The following LRRN3 variants were observed in gnomAD, a reference collection of about 807,000 sequenced individuals.
LRRN3 encodes the protein leucine rich repeat neuronal 3, also known as leucine-rich repeat neuronal protein 3.
A neutral mutation model predicts 40.1 loss-of-function variants in LRRN3; 15 were observed. That is an observed-to-expected ratio of 0.37 (90% CI 0.25 to 0.58). LRRN3 has a LOEUF of 0.58. LRRN3 is among the 20% of genes least tolerant of loss of function. LRRN3 has a pLI of 0.72. For missense variants in LRRN3, 746 were observed against 837.7 expected (o/e 0.89, Z 1.35); for synonymous variants, 308 against 297.2 (o/e 1.04, Z -0.37).
At chr7:111,110,441 G>C (rs748606206) in intron 2 of LRRN3, among the ~76,000 whole-genome samples, 139 of 152,034 alleles carry the variant, frequency 9.1e-4, no homozygotes, top group Non-Finnish European at 1.2e-3. Flanking sequence ...AACAATACCA[G>C]GAATGATCAC....
Position 111,124,261 on chromosome 7 carries a change from A to T in LRRN3, c.1489A>T (p.Ile497Leu). ...TPKEGGLYTC[I>L]ATNLVGADLK... ...CAAAGAAGGGGGTTTATATACTTGT[A>T]TAGCAACTAACCTAGTTGGCGCTGA... is the stretch of plus-strand genomic sequence containing the variant. Residue 497 changes from isoleucine to leucine, a missense_variant, in exon 3 of 3, where the codon ATA becomes TTA. Coordinates refer to ENST00000308478, the MANE Select transcript of LRRN3 (RefSeq NM_001099658.2). The T allele has an allele frequency of 6.2e-7, 1 of 1,614,040 alleles. No individual in the cohort carries two copies. The highest frequency in any genetic ancestry group is 8.5e-7 in the Non-Finnish European group (1 of 1,179,986).
At position 111,123,423 on chromosome 7, in the gene LRRN3, G is replaced by A. The variant is rs267601235; in HGVS notation, c.651G>A (p.Leu217=). 4 of 1,613,488 alleles carry A rather than the reference G, an allele frequency of 2.5e-6. No homozygotes were observed. The highest frequency in any genetic ancestry group is 2.2e-5 in the East Asian group (1 of 44,840). ...NFKPLINLRS[L]VIAGINLTEI... ...AGCCTCTTATCAATCTTCGCAGCCT[G>A]GTTATAGCTGGTATAAACCTCACAG... The change falls in exon 3 of 3, where the codon CTG becomes CTA. Residue 217 remains leucine (L), a synonymous_variant. Transcript: ENST00000308478. The surrounding 1 kb of genome is among the most constrained non-coding windows in gnomAD (Gnocchi z 6.4).
intron 2 of LRRN3, among the ~76,000 whole-genome samples, chr7:111,119,278 A>T (rs1263363731): frequency 6.6e-6 from 1 of 152,130 alleles, no homozygotes; most frequent in Non-Finnish European, 1.5e-5. Flanking sequence ...TTCTATTTTC[A>T]TTTTATTCGG....
chr7:111,121,526 T>C (rs1260014362), intron 2 of LRRN3, among the ~76,000 whole-genome samples: 1 of 152,066 alleles, frequency 6.6e-6, no homozygotes, highest in Non-Finnish European at 1.5e-5. Context: ...AAAACCACAA[T>C]GAGATACCAT....
intron 2 of LRRN3, among the ~76,000 whole-genome samples, chr7:111,105,569 CT>C (rs1264886813): frequency 1.3e-5 from 2 of 151,834 alleles, no homozygotes; most frequent in African/African-American, 4.8e-5. Flanking sequence ...TGCAATTTAG[CT>C]GGCTGGGGGG....
At chr7:111,117,251 G>C (rs543158230) in intron 2 of LRRN3, among the ~76,000 whole-genome samples, 117 of 152,150 alleles carry the variant, frequency 7.7e-4, no homozygotes, top group African/African-American at 2.6e-3. Flanking sequence ...AGACACCTTT[G>C]GAAAAAATCT....
intron 2 of LRRN3, among the ~76,000 whole-genome samples, chr7:111,117,559 T>C (rs1586387179): frequency 6.6e-6 from 1 of 152,096 alleles, no homozygotes; most frequent in African/African-American, 2.4e-5. Flanking sequence ...TTCAAATAAT[T>C]TGTTTTGAAA....
At chr7:111,106,133 T>G (rs2129581440) in intron 2 of LRRN3, among the ~76,000 whole-genome samples, 1 of 152,078 alleles carries the variant, frequency 6.6e-6, no homozygotes, top group South Asian at 2.1e-4. Flanking sequence ...TTGGTGCACA[T>G]TGGAGCAGAC....
At chr7:111,116,788 C>T (rs1173670840) in intron 2 of LRRN3, among the ~76,000 whole-genome samples, 2 of 151,984 alleles carry the variant, frequency 1.3e-5, no homozygotes, top group Non-Finnish European at 2.9e-5. Flanking sequence ...ACAATAATAA[C>T]AAAAAAGGCA....
At chr7:111,103,755 A>G (rs528687504) in intron 2 of LRRN3, among the ~76,000 whole-genome samples, 4 of 151,694 alleles carry the variant, frequency 2.6e-5, no homozygotes, top group South Asian at 4.2e-4. Flanking sequence ...TATACTATGA[A>G]CTTTTAACGC....
chr7:111,111,544 A>G (rs1436087325), intron 2 of LRRN3, among the ~76,000 whole-genome samples: 10 of 152,044 alleles, frequency 6.6e-5, no homozygotes, highest in Non-Finnish European at 5.9e-5. Context: ...CCAAATGTTC[A>G]TAACCTGATA....
At chr7:111,117,784 A>G (rs933227399) in intron 2 of LRRN3, among the ~76,000 whole-genome samples, 8 of 152,110 alleles carry the variant, frequency 5.3e-5, no homozygotes, top group African/African-American at 1.4e-4. Flanking sequence ...TATAGAAGAA[A>G]AGGAAAAACT....
At position 111,124,096 on chromosome 7, in the gene LRRN3, T is replaced by C. The variant is rs1800990795; in HGVS notation, c.1324T>C (p.Phe442Leu). The change falls in exon 3 of 3, where the codon TTT (phenylalanine) becomes CTT (leucine). Residue 442 changes from phenylalanine to leucine, a missense_variant. Phe to Leu is a conservative substitution (Grantham distance 22). Coordinates refer to ENST00000308478, the MANE Select transcript of LRRN3 (RefSeq NM_001099658.2). ...TGTAGAAGCTGGGAGCTATGTTTCCTTTCACTGTAGAGCTACTGCAGAACC... is the reference window on the plus strand; with the variant it reads ...TGTAGAAGCTGGGAGCTATGTTTCCCTTCACTGTAGAGCTACTGCAGAACC... Reference protein sequence around the residue: ...LNVEAGSYVSFHCRATAEPQP... With the variant: ...LNVEAGSYVSLHCRATAEPQP... 2.5e-6 allele frequency: 4 copies of C among 1,614,052 alleles called. No homozygotes were observed. The highest frequency in any genetic ancestry group is 2.5e-6 in the Non-Finnish European group (3 of 1,179,982).
intron 2 of LRRN3, among the ~76,000 whole-genome samples, chr7:111,105,613 A>G (rs1447517407): frequency 2.0e-5 from 3 of 151,842 alleles, no homozygotes; most frequent in Non-Finnish European, 4.4e-5. Context: ...TAAGAAACAA[A>G]TACAACATGT....
Position 111,125,035 on chromosome 7 carries a change from G to A in LRRN3, c.*136G>A, listed in dbSNP as rs2129590555. 1.5e-6 allele frequency: 1 copy of A among 670,310 alleles called. No individual in the cohort carries two copies. The highest frequency in any genetic ancestry group is 3.4e-5 in the Admixed American group (1 of 29,018). The allele number at this position is 670,310 out of a possible 1,614,324, so 41.5% of individuals were successfully genotyped here. ...GATTACTTTCGAGAGAGAAGTTTAA[G>A]CTTCACCAATGCTGCTCCTGACCAA... On this transcript the variant is annotated 3_prime_UTR_variant, in exon 3 of 3. Transcript: ENST00000308478.
At chr7:111,094,039 T>A (rs949320713) in intron 1 of LRRN3, among the ~76,000 whole-genome samples, 1 of 152,138 alleles carries the variant, frequency 6.6e-6, no homozygotes, top group Non-Finnish European at 1.5e-5. Flanking sequence ...GTGATCAACT[T>A]ATGATGCACT....
chr7:111,111,951 T>G lies in LRRN3; in HGVS notation c.-358-10464T>G, dbSNP rs1241708454. On this transcript the variant is annotated intron_variant, in intron 2 of 2. Coordinates refer to ENST00000308478, the MANE Select transcript of LRRN3 (RefSeq NM_001099658.2). The stretch of plus-strand genomic sequence containing the variant: ...TATATATATATAGTTTGTTTTTTTT[T>G]TTTTTTTTTTTTTTGAGATGGAGTC... 6.8e-5 allele frequency among the ~76,000 whole-genome samples: 9 copies of G among 133,224 alleles called. No homozygotes were observed. In the South Asian group the frequency reaches 1.3e-3, roughly 20 times the overall value. 87.4% of individuals were successfully genotyped at this position (133,224 alleles called of 152,430 possible). A position where few individuals can be genotyped will look rare whatever the true frequency, so the allele number is the denominator to read the frequency against.
At chr7:111,120,843 T>G (rs1586411092) in intron 2 of LRRN3, among the ~76,000 whole-genome samples, 1 of 152,218 alleles carries the variant, frequency 6.6e-6, no homozygotes, top group African/African-American at 2.4e-5. Context: ...AAATCCTGTC[T>G]CCTGGGAACC....
intron 1 of LRRN3, among the ~76,000 whole-genome samples, chr7:111,098,562 C>A (rs1797641759): frequency 6.6e-6 from 1 of 151,724 alleles, no homozygotes; most frequent in Admixed American, 6.6e-5. Flanking sequence ...CTTAGACAAT[C>A]CTTTACTGGC....
Sources: allele counts gnomAD v4.1 joint callset (sites outside exome capture counted in the v4.1 genomes callset), GRCh38; gene constraint gnomAD v4.1.1; non-coding constraint Gnocchi (gnomAD v3.1); transcripts MANE v1.5; gene names NCBI Gene and HGNC (gene_info 2026-07-23, HGNC 2026-07-21).